ZNF526: variants seen among roughly 807,000 people sequenced by gnomAD.
The protein encoded by ZNF526 is zinc finger protein 526.
In ZNF526, 16 loss-of-function variants were observed where a neutral mutation model predicts 32.4. That is an observed-to-expected ratio of 0.49 (90% CI 0.33 to 0.75). The LOEUF (loss-of-function observed/expected upper bound fraction) is 0.75, where lower values mean the gene tolerates loss of function less well. Ranked by LOEUF, ZNF526 falls within the 30% of genes least tolerant of loss-of-function variation. The pLI is 0.02. For synonymous variants in ZNF526, 355 were observed against 363.4 expected, an observed-to-expected ratio of 0.98 and a Z score of 0.26; for missense variants, 838 against 920.7, an observed-to-expected ratio of 0.91 and a Z score of 1.16.
intron 1 of ZNF526, among the ~76,000 whole-genome samples, chr19:42,221,257 G>A (rs2036120100): frequency 2.0e-5 from 3 of 152,132 alleles, no homozygotes; most frequent in Non-Finnish European, 2.9e-5. Flanking sequence ...GCTTTGGGAG[G>A]CCTGGGTGGG....
chr19:42,224,002 T>TATATATATATATATATAC (rs1491246187), intron 1 of ZNF526, among the ~76,000 whole-genome samples: 1 of 126,242 alleles, frequency 7.9e-6, no homozygotes, highest in Admixed American at 8.3e-5. Flanking sequence ...TATATATATA[T>TATATATATATATATATAC]ACAAAAATTA....
Position 42,226,023 on chromosome 19 carries a change from C to T in ZNF526, c.1620C>T (p.Ser540=), listed in dbSNP as rs779477820. The T allele has an allele frequency of 2.5e-6, 4 of 1,613,258 alleles. No individual in the cohort carries two copies. Among genetic ancestry groups the T allele is most frequent in the South Asian group, 1.1e-5 (1 of 91,088 alleles). The change falls in exon 3 of 3, where the codon AGC becomes AGT. Residue 540 remains serine (S), a synonymous_variant. Transcript: ENST00000301215. ...ACTGTGGCAAGCGCTTCACACAGAG[C>T]TCCAACCTGCAGCAGCACCGGCGGT... ...CLDCGKRFTQ[S]SNLQQHRRLH...
At chr19:42,221,842 C>G (rs1384694650) in intron 1 of ZNF526, among the ~76,000 whole-genome samples, 1 of 150,688 alleles carries the variant, frequency 6.6e-6, no homozygotes, top group African/African-American at 2.4e-5. Context: ...AAAAAAAAAC[C>G]TCTCAAGGTC....
rs912763670 is a variant in ZNF526, at chr19:42,226,749, T to G, written c.*333T>G. 6.7e-6 allele frequency: 3 copies of G among 447,208 alleles called. No individual in the cohort carries two copies. Among genetic ancestry groups the G allele is most frequent in the African/African-American group, 6.0e-5 (3 of 49,620 alleles). 27.7% of individuals were successfully genotyped at this position (447,208 alleles called of 1,614,324 possible). On this transcript the variant is annotated 3_prime_UTR_variant, in exon 3 of 3. Coordinates refer to ENST00000301215, the MANE Select transcript of ZNF526 (RefSeq NM_133444.3). ...TAACCTTCACTGAGCACCAAGCTTA[T>G]GCCAGGTCTGTGCTGGCCACTCTCA...
chr19:42,225,881 C>T lies in ZNF526; in HGVS notation c.1478C>T (p.Thr493Ile). The stretch of plus-strand genomic sequence containing the variant: ...ATCCACGTGCGCAACCACCTGCGGA[C>T]ACACACGGGTGAGAGGCCCTTCCAG... ...KLIHVRNHLR[T>I]HTGERPFQCH... Residue 493 changes from threonine (T) to isoleucine (I), a missense_variant, in exon 3 of 3, where the codon ACA becomes ATA. Physicochemically the swap from Thr to Ile is moderately conservative, Grantham distance 89. Transcript: ENST00000301215. 1 of 1,614,190 alleles carries T rather than the reference C, an allele frequency of 6.2e-7. No homozygotes were observed. The highest frequency in any genetic ancestry group is 1.1e-5 in the South Asian group (1 of 91,088).
chr19:42,226,278 C>T lies in ZNF526; in HGVS notation c.1875C>T (p.Cys625=), dbSNP rs753746968. ...CAGAGCCTCAACAGACTATCATGTG[C>T]ACAGAGCTGGGGGAGACCATCGCCA... ...PPPEPQQTIM[C]TELGETIAII... The change falls in exon 3 of 3, where the codon TGC becomes TGT. Residue 625 remains cysteine, a synonymous_variant. Transcript: ENST00000301215. 2 of 1,613,972 alleles carry T rather than the reference C, an allele frequency of 1.2e-6. No homozygotes were observed. Among genetic ancestry groups the T allele is most frequent in the African/African-American group, 1.3e-5 (1 of 74,948 alleles).
chr19:42,223,924 A>C (rs1464715220), intron 1 of ZNF526, among the ~76,000 whole-genome samples: 2 of 146,150 alleles, frequency 1.4e-5, no homozygotes, highest in Non-Finnish European at 3.0e-5. Flanking sequence ...ACCTGAGGTC[A>C]GGAGTTCAAG....
chr19:42,225,238 C>G lies in ZNF526; in HGVS notation c.835C>G (p.Pro279Ala), dbSNP rs1210293713. ...AGWAQGCGDC[P>A]QHQPSAGARR... is the part of the protein sequence containing the mutation. ...CTGGGCTCAGGGCTGCGGGGACTGT[C>G]CCCAGCACCAGCCCTCAGCAGGGGC... is the stretch of plus-strand genomic sequence containing the variant. The change falls in exon 3 of 3, where the codon CCC becomes GCC. Residue 279 changes from proline (P) to alanine (A), a missense_variant. Coordinates refer to ENST00000301215, the MANE Select transcript of ZNF526 (RefSeq NM_133444.3). The G allele has an allele frequency of 6.2e-7, 1 of 1,614,118 alleles. No individual in the cohort carries two copies. The highest frequency in any genetic ancestry group is 8.5e-7 in the Non-Finnish European group (1 of 1,179,972).
At position 42,225,229 on chromosome 19, in the gene ZNF526, G is replaced by A. The variant is rs370031955; in HGVS notation, c.826G>A (p.Gly276Arg). Residue 276 changes from glycine (G) to arginine (R), a missense_variant, in exon 3 of 3, where the codon GGG becomes AGG. Gly to Arg is a moderately radical substitution (Grantham distance 125). Coordinates refer to ENST00000301215, the MANE Select transcript of ZNF526 (RefSeq NM_133444.3). ...ESTAGWAQGC[G>R]DCPQHQPSAG... ...CACAGCTGGCTGGGCTCAGGGCTGC[G>A]GGGACTGTCCCCAGCACCAGCCCTC... 3.5e-5 allele frequency: 57 copies of A among 1,614,014 alleles called. No individual in the cohort carries two copies. Among genetic ancestry groups the A allele is most frequent in the Admixed American group, 8.3e-5 (5 of 60,004 alleles).
rs35211089 is a variant in ZNF526, at chr19:42,223,974, A to AATATATATATATATATATATATATAT, written c.-108-237_-108-212dup. Among the ~76,000 whole-genome samples the AATATATATATATATATATATATATAT allele has an allele frequency of 9.2e-4, 102 of 110,570 alleles. 1 individual carries two copies. Among genetic ancestry groups the AATATATATATATATATATATATATAT allele is most frequent in the South Asian group, 1.7e-3 (5 of 2,906 alleles). The allele number at this position is 110,570 out of a possible 152,430, so 72.5% of individuals were successfully genotyped here. On this transcript the variant is annotated intron_variant, in intron 1 of 2. Coordinates refer to ENST00000301215, the MANE Select transcript of ZNF526 (RefSeq NM_133444.3). ...CATGGTGAAACCTTGTCTCTACTAA[A>AATATATATATATATATATATATATAT]ATATATATATATATATATATATATA...
intron 1 of ZNF526, among the ~76,000 whole-genome samples, chr19:42,222,058 C>T (rs1189759721): frequency 2.6e-5 from 4 of 151,762 alleles, no homozygotes; most frequent in African/African-American, 7.3e-5. Context: ...AAACTGCTAC[C>T]GTCTAGGTGC....
At position 42,224,463 on chromosome 19, in the gene ZNF526, G is replaced by T; in HGVS notation, c.60G>T (p.Val20=). Residue 20 remains valine, a synonymous_variant, in exon 3 of 3, where the codon GTG becomes GTT. Coordinates refer to ENST00000301215, the MANE Select transcript of ZNF526 (RefSeq NM_133444.3). ...CAACACAGATGTCACCAGGGGCAGT[G>T]GAGATGTCAACACCTATGTCGGCAG... is the stretch of plus-strand genomic sequence containing the variant. The part of the protein sequence containing the change: ...EMPTQMSPGA[V]EMSTPMSAEM... 6.2e-7 allele frequency: 1 copy of T among 1,614,198 alleles called. No homozygotes were observed. Among genetic ancestry groups the T allele is most frequent in the Non-Finnish European group, 8.5e-7 (1 of 1,180,034 alleles).
Position 42,225,208 on chromosome 19 carries a change from G to A in ZNF526, c.805G>A (p.Ala269Thr), listed in dbSNP as rs760795893. 6.2e-7 allele frequency: 1 copy of A among 1,614,200 alleles called. No individual in the cohort carries two copies. The highest frequency in any genetic ancestry group is 8.5e-7 in the Non-Finnish European group (1 of 1,180,004). The change falls in exon 3 of 3, where the codon GCT (alanine) becomes ACT (threonine). Residue 269 changes from alanine to threonine, a missense_variant. Ala to Thr is a moderately conservative substitution (Grantham distance 58). Transcript: ENST00000301215. ...TGCTGTGGGAGGTGACGAGTCCACA[G>A]CTGGCTGGGCTCAGGGCTGCGGGGA... is the stretch of plus-strand genomic sequence containing the variant. The part of the protein sequence containing the change: ...DDAVGGDEST[A>T]GWAQGCGDCP...
rs377414809 is a variant in ZNF526 at position 42,222,232 on chromosome 19, G to A, written c.-109+1845G>A. 9.4e-4 allele frequency among the ~76,000 whole-genome samples: 143 copies of A among 152,010 alleles called. 1 individual carries two copies. Among genetic ancestry groups the A allele is most frequent in the African/African-American group, 3.1e-3 (129 of 41,454 alleles). ...CTCCCAAGTAGCTGGGATTACAGGCGTGCACCACCACGCCCAGCTAATTTT... is the reference window on the plus strand; with the variant it reads ...CTCCCAAGTAGCTGGGATTACAGGCATGCACCACCACGCCCAGCTAATTTT... On this transcript the variant is annotated intron_variant, in intron 1 of 2. Transcript: ENST00000301215.
chr19:42,225,356 A>C lies in ZNF526; in HGVS notation c.953A>C (p.Asn318Thr), dbSNP rs748225266. 6.2e-7 allele frequency: 1 copy of C among 1,613,840 alleles called. No individual in the cohort carries two copies. Among genetic ancestry groups the C allele is most frequent in the Non-Finnish European group, 8.5e-7 (1 of 1,179,988 alleles). The change falls in exon 3 of 3, where the codon AAC becomes ACC. Residue 318 changes from asparagine to threonine, a missense_variant. Transcript: ENST00000301215. Reference protein sequence around the residue: ...SQCQRSFSSANRLQAHGRAHV... With the variant: ...SQCQRSFSSATRLQAHGRAHV... ...TGTCAGCGCAGTTTCAGCTCCGCCAACCGGCTGCAGGCTCATGGGCGGGCC... is the reference window on the plus strand; with the variant it reads ...TGTCAGCGCAGTTTCAGCTCCGCCACCCGGCTGCAGGCTCATGGGCGGGCC...
In ZNF526 at chr19:42,227,728, C is replaced by T. The variant is rs1392749495; in HGVS notation, c.*1312C>T. 1 of 151,832 alleles carries T rather than the reference C, an allele frequency of 6.6e-6. No homozygotes were observed. Among genetic ancestry groups the T allele is most frequent in the Admixed American group, 6.6e-5 (1 of 15,236 alleles). The allele number at this position is 151,832 out of a possible 1,614,324, so 9.4% of individuals were successfully genotyped here. ...GAGCCGAGATCGCGCCACTGCACTC[C>T]AGCCTGGGCGACAGAGTGAGACTCC... On this transcript the variant is annotated 3_prime_UTR_variant, in exon 3 of 3. Coordinates refer to ENST00000301215, the MANE Select transcript of ZNF526 (RefSeq NM_133444.3).
At chr19:42,221,281 C>G (rs1184786750) in intron 1 of ZNF526, among the ~76,000 whole-genome samples, 1 of 152,086 alleles carries the variant, frequency 6.6e-6, no homozygotes, top group Non-Finnish European at 1.5e-5. Flanking sequence ...ATTGCTTGAG[C>G]TCAGTAGTTC....
chr19:42,224,112 T>G, intron 1 of ZNF526, 103 bp from the exon 2 acceptor site: 1 of 392,738 alleles, frequency 2.5e-6, no homozygotes, highest in Non-Finnish European at 4.8e-6. Flanking sequence ...TGAGCCAAGA[T>G]TGTGCCACTG....
chr19:42,227,191 C>T lies in ZNF526; in HGVS notation c.*775C>T, dbSNP rs2146932179. The T allele has an allele frequency of 6.0e-6, 1 of 167,712 alleles. No homozygotes were observed. Among genetic ancestry groups the T allele is most frequent in the East Asian group, 1.9e-4 (1 of 5,178 alleles). The allele number at this position is 167,712 out of a possible 1,614,324, so 10.4% of individuals were successfully genotyped here. A position where few individuals can be genotyped will look rare whatever the true frequency, so the allele number is the denominator to read the frequency against. On this transcript the variant is annotated 3_prime_UTR_variant, in exon 3 of 3. Transcript: ENST00000301215. ...GGGATGTGCAGGGACAGTGGGATCC[C>T]AGGAAACAGACCTCCATGGTGGGAG...
Sources: allele counts gnomAD v4.1 joint callset (sites outside exome capture counted in the v4.1 genomes callset), GRCh38; gene constraint gnomAD v4.1.1; transcripts MANE v1.5; gene names NCBI Gene and HGNC (gene_info 2026-07-23, HGNC 2026-07-21).